The following ZBTB24 variants were observed in gnomAD, a reference collection of about 807,000 sequenced individuals.
ZBTB24 encodes the protein zinc finger and BTB domain containing 24, also known as zinc finger and BTB domain-containing protein 24.
Under a neutral mutation model 53.8 loss-of-function variants are expected in ZBTB24, and 32 were observed. The observed-to-expected ratio is 0.60, with a 90% CI of 0.45 to 0.80. The LOEUF is 0.80. Among genes scored for constraint, ZBTB24 ranks in the 30% least tolerant of loss-of-function variants. The pLI, the probability that ZBTB24 is intolerant of heterozygous loss-of-function variation, is 0.00. For missense variants in ZBTB24, 722 were observed against 837.1 expected (o/e 0.86, Z 1.70); for synonymous variants, 297 against 306.7 (o/e 0.97, Z 0.33).
intron 6 of ZBTB24, 123 bp from the exon 7 acceptor site, chr6:109,466,697 G>C: frequency 7.7e-7 from 1 of 1,301,096 alleles, no homozygotes. Context: ...TAAGTCATGG[G>C]TTCACCTACT....
intron 5 of ZBTB24, among the ~76,000 whole-genome samples, chr6:109,470,688 C>T (rs944484527): frequency 6.6e-6 from 1 of 152,198 alleles, no homozygotes; most frequent in African/African-American, 2.4e-5. Flanking sequence ...CTGTGGACCA[C>T]GGCTTTGTTT....
Position 109,465,965 on chromosome 6 carries a change from T to G in ZBTB24, c.1980A>C (p.Leu660Phe), listed in dbSNP as rs757524152. 6.2e-7 allele frequency: 1 copy of G among 1,614,244 alleles called. No homozygotes were observed. The highest frequency in any genetic ancestry group is 8.5e-7 in the Non-Finnish European group (1 of 1,180,044). ...GAGCTGGATCTGAAGTACTTGTAGCTAAATGGAGCTCCTCTGTTTGCTCTT... is the reference window on the plus strand; with the variant it reads ...GAGCTGGATCTGAAGTACTTGTAGCGAAATGGAGCTCCTCTGTTTGCTCTT... ...AHQEQTEELHLATSTSDPAQH... is the reference protein window; with the variant it reads ...AHQEQTEELHFATSTSDPAQH... Residue 660 changes from leucine to phenylalanine, a missense_variant, in exon 7 of 7, where the codon TTA (leucine) becomes TTC (phenylalanine). Leu to Phe is a conservative substitution (Grantham distance 22, BLOSUM62 0). Transcript: ENST00000230122.
rs1435744360 is a variant in ZBTB24, at chr6:109,481,457, A to C, written c.570T>G (p.Asn190Lys). Residue 190 changes from asparagine (N) to lysine (K), a missense_variant, in exon 2 of 7, where the codon AAT becomes AAG. Coordinates refer to ENST00000230122, the MANE Select transcript of ZBTB24 (RefSeq NM_014797.3). ...CAAAGTTTTGTCTATTCTGAACTGA[A>C]TTGTTCACTCTTAACTGTATTTCTT... Reference protein sequence around the residue: ...AEEEIQLRVNNSVQNRQNFVV... With the variant: ...AEEEIQLRVNKSVQNRQNFVV... The C allele has an allele frequency of 1.9e-6, 3 of 1,614,178 alleles. No homozygotes were observed. The highest frequency in any genetic ancestry group is 2.2e-5 in the East Asian group (1 of 44,892).
intron 5 of ZBTB24, 104 bp from the exon 6 acceptor site, chr6:109,467,838 A>G: frequency 7.5e-7 from 1 of 1,331,154 alleles, no homozygotes; most frequent in Non-Finnish European, 1.0e-6. Flanking sequence ...GTTTCACAAT[A>G]TAAACAGAAC....
At chr6:109,470,462 C>T (rs1362408032) in intron 5 of ZBTB24, among the ~76,000 whole-genome samples, 1 of 152,210 alleles carries the variant, frequency 6.6e-6, no homozygotes, top group East Asian at 1.9e-4. Context: ...CAGATAGGAT[C>T]GATGAGTCAC....
At position 109,475,390 on chromosome 6, in the gene ZBTB24, G is replaced by A; in HGVS notation, c.1288+9C>T. Reference sequence around the variant, plus strand: ...GTGTACTGGGGGGACAGACGAGATGGAGTTTTACCTGTGTGTGTTCGCAGA... The same window carrying A: ...GTGTACTGGGGGGACAGACGAGATGAAGTTTTACCTGTGTGTGTTCGCAGA... On this transcript the variant is annotated intron_variant, in intron 5 of 6. Transcript: ENST00000230122. 1 of 1,614,160 alleles carries A rather than the reference G, an allele frequency of 6.2e-7. No individual in the cohort carries two copies. Among genetic ancestry groups the A allele is most frequent in the Non-Finnish European group, 8.5e-7 (1 of 1,180,004 alleles).
chr6:109,480,513 T>A (rs920671467), intron 2 of ZBTB24, among the ~76,000 whole-genome samples: 1 of 152,166 alleles, frequency 6.6e-6, no homozygotes, highest in African/African-American at 2.4e-5. Context: ...ATTTCCATCA[T>A]CACAGAAGGG....
intron 5 of ZBTB24, among the ~76,000 whole-genome samples, chr6:109,468,932 G>GA (rs61250996): frequency 0.39 from 46,793 of 119,812 alleles, 7,550 homozygotes; most frequent in Middle Eastern, 0.48. Flanking sequence ...TGGAAAAAAA[G>GA]AAAAAAAAAA....
At position 109,466,217 on chromosome 6, in the gene ZBTB24, C is replaced by T. The variant is rs748759921; in HGVS notation, c.1728G>A (p.Val576=). The T allele has an allele frequency of 6.2e-7, 1 of 1,614,210 alleles. No individual in the cohort carries two copies. The highest frequency in any genetic ancestry group is 1.7e-5 in the Admixed American group (1 of 60,022). The change falls in exon 7 of 7, where the codon GTG becomes GTA. Residue 576 remains valine, a synonymous_variant. Transcript: ENST00000230122. ...MPGPSQGISI[V]TAESSQNMTA... is the part of the protein sequence containing the mutation. ...TCATGTTTTGGGAACTCTCTGCAGT[C>T]ACAATGCTGATTCCCTGGCTAGGAC...
At chr6:109,482,217 C>CG (rs919685578) in intron 1 of ZBTB24, among the ~76,000 whole-genome samples, 163 bp from the exon 2 acceptor site, 1 of 152,220 alleles carries the variant, frequency 6.6e-6, no homozygotes, top group Non-Finnish European at 1.5e-5. Flanking sequence ...AGTGGCCTCA[C>CG]GCCTGTAATC....
At chr6:109,474,824 A>T (rs1000475340) in intron 5 of ZBTB24, among the ~76,000 whole-genome samples, 1 of 152,128 alleles carries the variant, frequency 6.6e-6, no homozygotes, top group Middle Eastern at 3.4e-3. Context: ...AGACTGCTTG[A>T]GCCCAGGAGT....
Position 109,466,145 on chromosome 6 carries a change from C to G in ZBTB24, c.1800G>C (p.Glu600Asp). The G allele has an allele frequency of 1.2e-6, 2 of 1,614,236 alleles. No individual in the cohort carries two copies. The highest frequency in any genetic ancestry group is 1.7e-6 in the Non-Finnish European group (2 of 1,180,040). The change falls in exon 7 of 7, where the codon GAG becomes GAC. Residue 600 changes from glutamate (E) to aspartate (D), a missense_variant. Transcript: ENST00000230122. The stretch of plus-strand genomic sequence containing the variant: ...CTGAAAGAATTAAATTCTGCAGTTG[C>G]TCTGGCTGCTGCGTGAGCAGGGTAA... ...ANLTLLTQQP[E>D]QLQNLILSAQ...
At chr6:109,480,745 C>T (rs1162459209) in intron 2 of ZBTB24, among the ~76,000 whole-genome samples, 1 of 152,178 alleles carries the variant, frequency 6.6e-6, no homozygotes, top group Non-Finnish European at 1.5e-5. Context: ...GTTCTTGAAC[C>T]AGGCTACCTG....
chr6:109,482,013 G>C lies in ZBTB24; in HGVS notation c.14C>G (p.Ser5Trp). The change falls in exon 2 of 7, where the codon TCG (serine) becomes TGG (tryptophan). Residue 5 changes from serine (S) to tryptophan (W), a missense_variant. Coordinates refer to ENST00000230122, the MANE Select transcript of ZBTB24 (RefSeq NM_014797.3). ...AACAAGCTGCCCAGAAGGCTCTGGC[G>C]ATGTTTCTGCCATTTTCTTCAGAAG... MAET[S>W]PEPSGQLVVH... The C allele has an allele frequency of 6.2e-7, 1 of 1,614,118 alleles. No individual in the cohort carries two copies. Among genetic ancestry groups the C allele is most frequent in the South Asian group, 1.1e-5 (1 of 91,078 alleles).
intron 2 of ZBTB24, among the ~76,000 whole-genome samples, chr6:109,477,815 A>G (rs950229514): frequency 1.3e-5 from 2 of 152,136 alleles, no homozygotes; most frequent in African/African-American, 4.8e-5. Flanking sequence ...AGTGCCTCCA[A>G]GTGGGAGAGC....
rs373700193 is a variant in ZBTB24 at position 109,476,235 on chromosome 6, G to C, written c.1144C>G (p.Gln382Glu). The change falls in exon 4 of 7, where the codon CAA becomes GAA. Residue 382 changes from glutamine (Q) to glutamate (E), a missense_variant. Gln to Glu is a conservative substitution (Grantham distance 29). Transcript: ENST00000230122. ...HSGQKSFTCD[Q>E]CGKYFSQNRQ... The stretch of plus-strand genomic sequence containing the variant: ...TTCTGGCTGAAATATTTTCCGCATT[G>C]ATCACAGGTAAAAGACTTCTGTCCT... 7 of 1,613,872 alleles carry C rather than the reference G, an allele frequency of 4.3e-6. No homozygotes were observed. Among genetic ancestry groups the C allele is most frequent in the Non-Finnish European group, 5.9e-6 (7 of 1,180,006 alleles).
intron 2 of ZBTB24, 88 bp downstream of exon 2, chr6:109,480,987 A>G: frequency 6.4e-7 from 1 of 1,566,494 alleles, no homozygotes; most frequent in Non-Finnish European, 8.6e-7. Flanking sequence ...CCCATCACAC[A>G]GAAGTTGCAC....
Position 109,482,006 on chromosome 6 carries a change from C to A in ZBTB24, c.21G>T (p.Glu7Asp), listed in dbSNP as rs1336371797. Residue 7 changes from glutamate to aspartate, a missense_variant, in exon 2 of 7, where the codon GAG (glutamate) becomes GAT (aspartate). Glu to Asp is a conservative substitution (Grantham distance 45). Coordinates refer to ENST00000230122, the MANE Select transcript of ZBTB24 (RefSeq NM_014797.3). MAETSP[E>D]PSGQLVVHSD... ...AGTGTACAACAAGCTGCCCAGAAGG[C>A]TCTGGCGATGTTTCTGCCATTTTCT... The A allele has an allele frequency of 6.2e-7, 1 of 1,614,216 alleles. No homozygotes were observed. The highest frequency in any genetic ancestry group is 8.5e-7 in the Non-Finnish European group (1 of 1,180,038).
intron 2 of ZBTB24, among the ~76,000 whole-genome samples, chr6:109,477,715 A>G (rs1326450786): frequency 6.6e-6 from 1 of 152,176 alleles, no homozygotes; most frequent in African/African-American, 2.4e-5. Context: ...CACCACAGGG[A>G]GAGTAAGTCA....
Sources: allele counts gnomAD v4.1 joint callset (sites outside exome capture counted in the v4.1 genomes callset), GRCh38; gene constraint gnomAD v4.1.1; transcripts MANE v1.5; gene names NCBI Gene and HGNC (gene_info 2026-07-23, HGNC 2026-07-21).